PDE5A: variants seen among roughly 807,000 people sequenced by gnomAD.
PDE5A encodes the protein cGMP-specific 3',5'-cyclic phosphodiesterase.
In PDE5A, 67 loss-of-function variants were observed where a neutral mutation model predicts 110.2. That is an observed-to-expected ratio of 0.61 (90% confidence interval 0.50 to 0.75). PDE5A has a LOEUF of 0.75. Among genes scored for constraint, PDE5A ranks in the 30% least tolerant of loss-of-function variants. The pLI is 0.00. For synonymous variants in PDE5A, 328 were observed against 351.2 expected (o/e 0.93, Z 0.74); for missense variants, 862 against 1,045.1 (o/e 0.82, Z 2.42).
intron 9 of PDE5A, among the ~76,000 whole-genome samples, chr4:119,544,785 T>A (rs545752389): frequency 4.6e-5 from 7 of 152,320 alleles, no homozygotes; most frequent in African/African-American, 1.4e-4. Flanking sequence ...ATCTCTCCAG[T>A]ACAGCAGTTC....
intron 11 of PDE5A, among the ~76,000 whole-genome samples, chr4:119,532,086 A>T (rs1448121868): frequency 6.6e-6 from 1 of 152,146 alleles, no homozygotes; most frequent in Non-Finnish European, 1.5e-5. Flanking sequence ...GCAAAATCTT[A>T]TTAAATGTAT....
chr4:119,590,574 ATT>A (rs1190346888), intron 3 of PDE5A, among the ~76,000 whole-genome samples: 1 of 152,100 alleles, frequency 6.6e-6, no homozygotes, highest in Non-Finnish European at 1.5e-5. Context: ...AACCTCTATG[ATT>A]TTTTTCAAAA....
intron 6 of PDE5A, among the ~76,000 whole-genome samples, chr4:119,560,672 G>C (rs1342273231): frequency 6.6e-6 from 1 of 152,102 alleles, no homozygotes; most frequent in Non-Finnish European, 1.5e-5. Flanking sequence ...TACACTTATT[G>C]AAAATTCTCA....
intron 2 of PDE5A, among the ~76,000 whole-genome samples, chr4:119,600,501 G>GA (rs954567931): frequency 5.3e-5 from 8 of 152,028 alleles, no homozygotes; most frequent in African/African-American, 1.9e-4. Flanking sequence ...GGCTCCTTGG[G>GA]AAAAAAGAAT....
chr4:119,607,545 T>C (rs1306546640), intron 1 of PDE5A, among the ~76,000 whole-genome samples: 1 of 152,108 alleles, frequency 6.6e-6, no homozygotes, highest in Non-Finnish European at 1.5e-5. Context: ...GAGACCAACC[T>C]GGGAAACCTA....
At chr4:119,559,616 C>T (rs1179191193) in intron 7 of PDE5A, among the ~76,000 whole-genome samples, 2 of 152,096 alleles carry the variant, frequency 1.3e-5, no homozygotes, top group African/African-American at 4.8e-5. Flanking sequence ...ATTACAGCAT[C>T]ATAAAATTAA....
At chr4:119,575,886 A>C (rs1274199655) in intron 3 of PDE5A, among the ~76,000 whole-genome samples, 3 of 152,196 alleles carry the variant, frequency 2.0e-5, no homozygotes, top group Admixed American at 2.0e-4. Context: ...AAAGACACAG[A>C]CTGGCAAATT....
chr4:119,584,695 C>T (rs1162694384), intron 3 of PDE5A, among the ~76,000 whole-genome samples: 5 of 152,096 alleles, frequency 3.3e-5, no homozygotes, highest in African/African-American at 1.2e-4. Context: ...AATTCAGTAC[C>T]TCCTTTGCAT....
intron 15 of PDE5A, among the ~76,000 whole-genome samples, chr4:119,509,173 T>C (rs1290280135): frequency 1.3e-5 from 2 of 151,970 alleles, no homozygotes; most frequent in Non-Finnish European, 2.9e-5. Context: ...AAAAATGGTA[T>C]TGGGAAAGAC....
chr4:119,574,640 C>T (rs931592137), intron 3 of PDE5A, among the ~76,000 whole-genome samples: 83 of 151,830 alleles, frequency 5.5e-4, no homozygotes, highest in Non-Finnish European at 1.0e-3. Context: ...AATTATAACT[C>T]TAAGAAACAA....
At chr4:119,623,128 A>T (rs945152098) in intron 1 of PDE5A, among the ~76,000 whole-genome samples, 3 of 152,094 alleles carry the variant, frequency 2.0e-5, no homozygotes, top group Non-Finnish European at 2.9e-5. Context: ...ATATGGAAAG[A>T]CTTTCTTCAA....
intron 1 of PDE5A, among the ~76,000 whole-genome samples, chr4:119,610,005 A>T (rs1729687333): frequency 6.6e-6 from 1 of 152,240 alleles, no homozygotes; most frequent in Non-Finnish European, 1.5e-5. Context: ...GGTATTACAA[A>T]TTTGAAGAAG....
intron 5 of PDE5A, among the ~76,000 whole-genome samples, chr4:119,564,715 G>A (rs2110506987): frequency 6.6e-6 from 1 of 152,170 alleles, no homozygotes; most frequent in South Asian, 2.1e-4. Context: ...AACAAAGGTA[G>A]TATGAACAAC....
chr4:119,627,780 T>C lies in PDE5A; in HGVS notation c.152+740A>G, dbSNP rs1173152074. On this transcript the variant is annotated intron_variant, in intron 1 of 20. Coordinates refer to ENST00000354960, the MANE Select transcript of PDE5A (RefSeq NM_001083.4). This position sits in a 1 kb window ranked among gnomAD's most constrained non-coding sequence, Gnocchi z 4.6. ...CCCTCCGCAAGGGCCGCCCCGGCGCTTGGCTCTGGACCAGAAAGAGCTGGC... is the reference window on the plus strand; with the variant it reads ...CCCTCCGCAAGGGCCGCCCCGGCGCCTGGCTCTGGACCAGAAAGAGCTGGC... 1 of 153,530 alleles carries C rather than the reference T, an allele frequency of 6.5e-6. No individual in the cohort carries two copies. The highest frequency in any genetic ancestry group is 1.4e-5 in the Non-Finnish European group (1 of 69,206). 9.5% of individuals were successfully genotyped at this position (153,530 alleles called of 1,614,324 possible).
rs201992682 is a variant in PDE5A, at chr4:119,525,694, G to A, written c.1634C>T (p.Ala545Val). The change falls in exon 12 of 21, where the codon GCT becomes GTT. Residue 545 changes from alanine (A) to valine (V), a missense_variant and splice_region_variant. Physicochemically the swap from Ala to Val is moderately conservative, Grantham distance 64. Transcript: ENST00000354960. The surrounding 1 kb of genome is among the most constrained non-coding windows in gnomAD (Gnocchi z 4.3). ...GGTCTGGGCAGATGGCACCACAGCA[G>A]CCTTGGGTAAGGAAAGAAGAAAAAA... ...EETRELQSLA[A>V]AVVPSAQTLK... 4.5e-5 allele frequency: 71 copies of A among 1,594,206 alleles called. 1 individual carries two copies. In the Admixed American group the frequency reaches 1.2e-3, roughly 27 times the overall value.
chr4:119,530,719 GT>G (rs892869471), intron 11 of PDE5A, among the ~76,000 whole-genome samples: 19 of 152,036 alleles, frequency 1.2e-4, no homozygotes, highest in Admixed American at 2.6e-4. Flanking sequence ...AAATAAATGG[GT>G]TTTTAAATCA....
At chr4:119,575,158 C>A (rs956370628) in intron 3 of PDE5A, among the ~76,000 whole-genome samples, 2 of 152,288 alleles carry the variant, frequency 1.3e-5, no homozygotes, top group African/African-American at 2.4e-5. Context: ...AAGAAACGAA[C>A]AAAGCCTCCA....
chr4:119,516,127 A>AT (rs1414270878), intron 14 of PDE5A, among the ~76,000 whole-genome samples: 1 of 152,184 alleles, frequency 6.6e-6, no homozygotes, highest in Non-Finnish European at 1.5e-5. Context: ...TCCTACCCAC[A>AT]TTTTAAGACC....
intron 9 of PDE5A, among the ~76,000 whole-genome samples, chr4:119,545,586 G>A (rs1472648645): frequency 6.6e-6 from 1 of 152,190 alleles, no homozygotes; most frequent in East Asian, 1.9e-4. Context: ...AGTTCATAAA[G>A]TACTCAGAAT....
Sources: allele counts gnomAD v4.1 joint callset (sites outside exome capture counted in the v4.1 genomes callset), GRCh38; gene constraint gnomAD v4.1.1; non-coding constraint Gnocchi (gnomAD v3.1); transcripts MANE v1.5; gene names NCBI Gene and HGNC (gene_info 2026-07-23, HGNC 2026-07-21).